The following VKORC1L1 variants were observed in gnomAD, a reference collection of about 807,000 sequenced individuals.
The protein encoded by VKORC1L1 is vitamin K epoxide reductase complex subunit 1L1.
Under a neutral mutation model 18.9 loss-of-function variants are expected in VKORC1L1, and 2 were observed. That is an observed-to-expected ratio of 0.11 (90% CI 0.04 to 0.33). VKORC1L1 has a LOEUF of 0.33. Ranked by LOEUF, VKORC1L1 falls within the 10% of genes least tolerant of loss-of-function variation. The probability of loss-of-function intolerance (pLI) is 1.00; values close to 1 mark genes in which losing one functional copy is unlikely to be tolerated. For synonymous variants in VKORC1L1, 96 were observed against 100.0 expected, an observed-to-expected ratio of 0.96 and a Z score of 0.24; for missense variants, 123 against 224.1, an observed-to-expected ratio of 0.55 and a Z score of 2.88.
At chr7:65,903,115 C>A (rs1451825860) in intron 1 of VKORC1L1, among the ~76,000 whole-genome samples, 1 of 151,824 alleles carries the variant, frequency 6.6e-6, no homozygotes, top group Non-Finnish European at 1.5e-5. Flanking sequence ...ATCTGCCCAC[C>A]TCGGCCTCCC....
At chr7:65,926,982 G>A (rs895379931) in intron 1 of VKORC1L1, among the ~76,000 whole-genome samples, 3 of 151,970 alleles carry the variant, frequency 2.0e-5, no homozygotes, top group Non-Finnish European at 4.4e-5. Context: ...GAAGAAAGGT[G>A]AGGGATAATA....
chr7:65,926,347 G>A (rs899436346), intron 1 of VKORC1L1, among the ~76,000 whole-genome samples: 4 of 151,958 alleles, frequency 2.6e-5, no homozygotes, highest in Non-Finnish European at 4.4e-5. Flanking sequence ...GTAGAGACGG[G>A]GTTTCACCAT....
chr7:65,907,999 T>C (rs1476059257), intron 1 of VKORC1L1, among the ~76,000 whole-genome samples: 1 of 152,180 alleles, frequency 6.6e-6, no homozygotes, highest in Non-Finnish European at 1.5e-5. Context: ...AAGCAAGCAG[T>C]GTGTCAGATC....
chr7:65,923,870 A>G (rs1022242184), intron 1 of VKORC1L1, among the ~76,000 whole-genome samples: 3 of 152,236 alleles, frequency 2.0e-5, no homozygotes, highest in African/African-American at 4.8e-5. Context: ...ATTTTAATGA[A>G]AAGTACAGAG....
At chr7:65,882,292 T>C (rs1788941366) in intron 1 of VKORC1L1, among the ~76,000 whole-genome samples, 1 of 151,228 alleles carries the variant, frequency 6.6e-6, no homozygotes, top group Non-Finnish European at 1.5e-5. Context: ...GACAGGAGAG[T>C]TGCTTGAACC....
intron 1 of VKORC1L1, among the ~76,000 whole-genome samples, chr7:65,946,990 A>AT (rs58862996): frequency 0.022 from 3,392 of 151,174 alleles, 84 homozygotes; most frequent in African/African-American, 0.061. Context: ...CCAAAAAAAA[A>AT]ATATATATAT....
chr7:65,938,646 C>T (rs189900128), intron 1 of VKORC1L1, among the ~76,000 whole-genome samples: 1 of 152,190 alleles, frequency 6.6e-6, no homozygotes, highest in Non-Finnish European at 1.5e-5. Flanking sequence ...CACCTCTGAA[C>T]GCAGGATGGT....
At chr7:65,909,121 C>T (rs1789456751) in intron 1 of VKORC1L1, among the ~76,000 whole-genome samples, 2 of 140,628 alleles carry the variant, frequency 1.4e-5, no homozygotes, top group Admixed American at 7.1e-5. Context: ...GGATTACAGG[C>T]GTGAGCCACC....
At position 65,955,517 on chromosome 7, in the gene VKORC1L1, C is replaced by T. The variant is rs1790282406; in HGVS notation, c.*1217C>T. The T allele has an allele frequency of 6.6e-6, 1 of 152,268 alleles. No homozygotes were observed. The highest frequency in any genetic ancestry group is 2.4e-5 in the African/African-American group (1 of 41,452). 9.4% of individuals were successfully genotyped at this position (152,268 alleles called of 1,614,324 possible). A position where few individuals can be genotyped will look rare whatever the true frequency, so the allele number is the denominator to read the frequency against. ...CATGTCGCCACTGCTCTCATAATGA[C>T]ACACATGCAGTAAGAAGACTTTTGT... is the stretch of plus-strand genomic sequence containing the variant. On this transcript the variant is annotated 3_prime_UTR_variant, in exon 3 of 3. Coordinates refer to ENST00000360768, the MANE Select transcript of VKORC1L1 (RefSeq NM_173517.6).
In VKORC1L1 at chr7:65,956,940, C is replaced by A. The variant is rs1289627213; in HGVS notation, c.*2640C>A. ...AAGCCATTTATTGACTTGATGTTCA[C>A]AAATATCATTTGAAGAAATAACAGG... On this transcript the variant is annotated 3_prime_UTR_variant, in exon 3 of 3. Transcript: ENST00000360768. 6.6e-6 allele frequency: 1 copy of A among 152,226 alleles called. No individual in the cohort carries two copies. The highest frequency in any genetic ancestry group is 1.9e-4 in the East Asian group (1 of 5,190). The allele number at this position is 152,226 out of a possible 1,614,324, so 9.4% of individuals were successfully genotyped here. A position where few individuals can be genotyped will look rare whatever the true frequency, so the allele number is the denominator to read the frequency against.
chr7:65,892,327 CG>C (rs1257870116), intron 1 of VKORC1L1, among the ~76,000 whole-genome samples: 1 of 152,142 alleles, frequency 6.6e-6, no homozygotes, highest in Non-Finnish European at 1.5e-5. Context: ...CTGGATCACA[CG>C]GTAGTTCTAT....
intron 1 of VKORC1L1, among the ~76,000 whole-genome samples, chr7:65,904,938 A>G (rs577753081): frequency 1.3e-5 from 2 of 152,276 alleles, no homozygotes; most frequent in East Asian, 1.9e-4. Flanking sequence ...ATGTATGTAT[A>G]TATGTATGTT....
At chr7:65,880,320 A>C (rs769670030) in intron 1 of VKORC1L1, among the ~76,000 whole-genome samples, 1 of 152,204 alleles carries the variant, frequency 6.6e-6, no homozygotes, top group African/African-American at 2.4e-5. Context: ...ACTCTTTGGA[A>C]AGGCAGGGAA....
intron 1 of VKORC1L1, among the ~76,000 whole-genome samples, chr7:65,892,386 A>C (rs1789123617): frequency 6.6e-6 from 1 of 152,204 alleles, no homozygotes; most frequent in African/African-American, 2.4e-5. Context: ...ACTAATTTAC[A>C]TTACCAACAA....
chr7:65,940,322 A>T (rs1790013972), intron 1 of VKORC1L1, among the ~76,000 whole-genome samples: 1 of 152,202 alleles, frequency 6.6e-6, no homozygotes, highest in African/African-American at 2.4e-5. Context: ...CTAGCCAGAA[A>T]CTTATTTTTA....
intron 1 of VKORC1L1, among the ~76,000 whole-genome samples, chr7:65,933,443 G>A (rs952501550): frequency 4.0e-5 from 6 of 151,872 alleles, no homozygotes; most frequent in African/African-American, 7.3e-5. Flanking sequence ...ATACAAGCAC[G>A]GTACCTTTTG....
At chr7:65,915,903 G>C (rs1434616515) in intron 1 of VKORC1L1, among the ~76,000 whole-genome samples, 1 of 151,950 alleles carries the variant, frequency 6.6e-6, no homozygotes, top group East Asian at 1.9e-4. Flanking sequence ...TTGAGGTCAG[G>C]AGTTCAAGAC....
intron 1 of VKORC1L1, among the ~76,000 whole-genome samples, chr7:65,885,944 C>T (rs1464068206): frequency 2.6e-5 from 4 of 152,228 alleles, no homozygotes; most frequent in Non-Finnish European, 4.4e-5. Flanking sequence ...AATTTATAGA[C>T]GAATATGGGA....
chr7:65,896,872 G>A (rs1163656105), intron 1 of VKORC1L1, among the ~76,000 whole-genome samples: 3 of 152,058 alleles, frequency 2.0e-5, no homozygotes, highest in African/African-American at 2.4e-5. Flanking sequence ...AGTGGCACAT[G>A]CCTGTAATCC....
Sources: allele counts gnomAD v4.1 joint callset (sites outside exome capture counted in the v4.1 genomes callset), GRCh38; gene constraint gnomAD v4.1.1; transcripts MANE v1.5; gene names NCBI Gene and HGNC (gene_info 2026-07-23, HGNC 2026-07-21).